RORB: variants seen among roughly 807,000 people sequenced by gnomAD.
RORB encodes nuclear receptor ROR-beta.
Under a neutral mutation model 59.1 loss-of-function variants are expected in RORB, and 6 were observed. The ratio of observed to expected loss-of-function variants is 0.10; its 90% CI spans 0.06 to 0.20. RORB has a LOEUF of 0.20. Ranked by LOEUF, RORB falls within the 10% of genes least tolerant of loss-of-function variation. RORB has a pLI of 1.00. For missense variants in RORB, 320 were observed against 560.5 expected (o/e 0.57, Z 4.33); for synonymous variants, 215 against 204.5 (o/e 1.05, Z -0.44).
chr9:74,565,571 C>A (rs537193458), intron 1 of RORB, among the ~76,000 whole-genome samples: 2 of 152,030 alleles, frequency 1.3e-5, no homozygotes, highest in African/African-American at 2.4e-5. Context: ...AGACGTGTGA[C>A]CCCTAAGTAG....
chr9:74,575,481 C>T (rs140959044), intron 1 of RORB, among the ~76,000 whole-genome samples: 3 of 151,974 alleles, frequency 2.0e-5, no homozygotes, highest in Non-Finnish European at 2.9e-5. Flanking sequence ...AGTGGTAGAG[C>T]GAGAATGATT....
chr9:74,540,947 A>T (rs1240263099), intron 1 of RORB, among the ~76,000 whole-genome samples: 2 of 152,124 alleles, frequency 1.3e-5, no homozygotes, highest in African/African-American at 4.8e-5. Context: ...GTTGTACCCC[A>T]CCAGCATCTA....
At chr9:74,615,758 A>G (rs1376908357) in intron 1 of RORB, 3 of 290,402 alleles carry the variant, frequency 1.0e-5, no homozygotes, top group African/African-American at 6.7e-5. Flanking sequence ...TGTGGGGACA[A>G]AAAAATATTT....
At chr9:74,608,062 G>C (rs1823176607) in intron 1 of RORB, among the ~76,000 whole-genome samples, 1 of 152,084 alleles carries the variant, frequency 6.6e-6, no homozygotes, top group African/African-American at 2.4e-5. Flanking sequence ...TGAGCTTATG[G>C]GCTGAAAGTT....
intron 1 of RORB, among the ~76,000 whole-genome samples, chr9:74,557,700 C>G (rs529612496): frequency 2.6e-5 from 4 of 152,146 alleles, no homozygotes; most frequent in African/African-American, 9.6e-5. Context: ...AATTACGTAA[C>G]GGCCGAGGAC....
intron 1 of RORB, among the ~76,000 whole-genome samples, chr9:74,621,262 A>G (rs1823412707): frequency 6.6e-6 from 1 of 152,080 alleles, no homozygotes; most frequent in Non-Finnish European, 1.5e-5. Context: ...TCACCCCTTC[A>G]TCCTCTTCCT....
chr9:74,557,814 G>T (rs1354778791), intron 1 of RORB, among the ~76,000 whole-genome samples: 1 of 151,996 alleles, frequency 6.6e-6, no homozygotes. Context: ...GTTCTGTCTT[G>T]TTCCTTTTTT....
chr9:74,565,373 G>A (rs1822453128), intron 1 of RORB, among the ~76,000 whole-genome samples: 1 of 152,078 alleles, frequency 6.6e-6, no homozygotes, highest in Non-Finnish European at 1.5e-5. Flanking sequence ...TTGAGTAGGA[G>A]AACAATGAAT....
rs74837653 is a variant in RORB at position 74,692,260 on chromosome 9, G to A, written c.*6642G>A. ...CAGGCAGGAGCAAGTTGTTGAAACTGATGCTTTTCCTGCATCCCAAATATG... is the reference window on the plus strand; with the variant it reads ...CAGGCAGGAGCAAGTTGTTGAAACTAATGCTTTTCCTGCATCCCAAATATG... On this transcript the variant is annotated 3_prime_UTR_variant, in exon 10 of 10. Coordinates refer to ENST00000376896, the MANE Select transcript of RORB (RefSeq NM_006914.4). 6.6e-6 allele frequency: 1 copy of A among 152,152 alleles called. No homozygotes were observed. The allele number at this position is 152,152 out of a possible 1,614,324, so 9.4% of individuals were successfully genotyped here. A position where few individuals can be genotyped will look rare whatever the true frequency, so the allele number is the denominator to read the frequency against.
intron 1 of RORB, among the ~76,000 whole-genome samples, chr9:74,608,210 C>T (rs1823178899): frequency 6.6e-6 from 1 of 152,048 alleles, no homozygotes; most frequent in Admixed American, 6.6e-5. Flanking sequence ...TCTTAAATAG[C>T]TTCGATTTCT....
chr9:74,680,028 G>T lies in RORB; in HGVS notation c.1225-5435G>T, dbSNP rs974706488. On this transcript the variant is annotated intron_variant, in intron 9 of 9. Transcript: ENST00000376896. ...TGAGGCAGGAGAATTGCTTGAACCC[G>T]GGAGGTGGAAGTTGCAGTGAGCCGA... is the stretch of plus-strand genomic sequence containing the variant. Among the ~76,000 whole-genome samples, 6 of 152,152 alleles carry T rather than the reference G, an allele frequency of 3.9e-5. No individual in the cohort carries two copies. The East Asian group carries it at 9.7e-4, about 25-fold the overall frequency.
At chr9:74,498,279 C>T (rs1368827937) in intron 1 of RORB, 2 of 458,704 alleles carry the variant, frequency 4.4e-6, no homozygotes, top group Non-Finnish European at 7.8e-6. Context: ...TTGCTTGTCG[C>T]TCTCGGGTGC....
intron 1 of RORB, among the ~76,000 whole-genome samples, chr9:74,598,525 A>G (rs1823008043): frequency 6.6e-6 from 1 of 152,144 alleles, no homozygotes; most frequent in Admixed American, 6.5e-5. Context: ...TATAGTTTAT[A>G]TTTGTATATA....
At chr9:74,506,996 A>C (rs957216151) in intron 1 of RORB, among the ~76,000 whole-genome samples, 1 of 152,088 alleles carries the variant, frequency 6.6e-6, no homozygotes, top group African/African-American at 2.4e-5. Flanking sequence ...AAGGCTTGGA[A>C]GTCTCCTGTA....
At chr9:74,559,815 T>C (rs1822366982) in intron 1 of RORB, among the ~76,000 whole-genome samples, 1 of 152,238 alleles carries the variant, frequency 6.6e-6, no homozygotes, top group South Asian at 2.1e-4. Context: ...CCCTTGTTTA[T>C]GAAAAAAACA....
At chr9:74,536,066 C>T (rs528343740) in intron 1 of RORB, among the ~76,000 whole-genome samples, 17 of 152,066 alleles carry the variant, frequency 1.1e-4, no homozygotes, top group African/African-American at 3.1e-4. Context: ...TAAAATATAA[C>T]GTATTTCTCT....
At chr9:74,581,091 A>C (rs1430962691) in intron 1 of RORB, among the ~76,000 whole-genome samples, 1 of 152,092 alleles carries the variant, frequency 6.6e-6, no homozygotes, top group African/African-American at 2.4e-5. Context: ...GACATCTTAC[A>C]TAATTTCTCT....
intron 4 of RORB, among the ~76,000 whole-genome samples, chr9:74,645,423 G>T (rs191529325): frequency 7.2e-5 from 11 of 152,244 alleles, no homozygotes; most frequent in African/African-American, 2.4e-4. Flanking sequence ...CAAAGTGCCT[G>T]CATTTAAAAC....
chr9:74,677,422 G>A (rs1412199393), intron 9 of RORB, among the ~76,000 whole-genome samples: 1 of 152,106 alleles, frequency 6.6e-6, no homozygotes, highest in South Asian at 2.1e-4. Flanking sequence ...TTCTTTTTAT[G>A]ATTATATGTT....
Sources: allele counts gnomAD v4.1 joint callset (sites outside exome capture counted in the v4.1 genomes callset), GRCh38; gene constraint gnomAD v4.1.1; transcripts MANE v1.5; gene names NCBI Gene and HGNC (gene_info 2026-07-23, HGNC 2026-07-21).